The following ZNF385D variants were observed in gnomAD, a reference collection of about 807,000 sequenced individuals.
ZNF385D encodes zinc finger protein 385D.
A neutral mutation model predicts 35.8 loss-of-function variants in ZNF385D; 15 were observed. The ratio of observed to expected loss-of-function variants is 0.42; its 90% CI spans 0.28 to 0.64. The LOEUF (loss-of-function observed/expected upper bound fraction) is 0.64, where lower values mean the gene tolerates loss of function less well. Among genes scored for constraint, ZNF385D ranks in the 30% least tolerant of loss-of-function variants. The pLI, the probability that ZNF385D is intolerant of heterozygous loss-of-function variation, is 0.23. For missense variants in ZNF385D, 474 were observed against 494.6 expected (o/e 0.96, Z 0.39); for synonymous variants, 212 against 186.8 (o/e 1.13, Z -1.10).
intron 2 of ZNF385D, among the ~76,000 whole-genome samples, chr3:22,200,807 A>G (rs1269653100): frequency 6.6e-6 from 1 of 152,116 alleles, no homozygotes; most frequent in African/African-American, 2.4e-5. Flanking sequence ...TTGCTGAGAA[A>G]AAGAATTCAG....
At chr3:21,595,200 T>G (rs1339836893) in intron 2 of ZNF385D, among the ~76,000 whole-genome samples, 1 of 152,118 alleles carries the variant, frequency 6.6e-6, no homozygotes, top group Non-Finnish European at 1.5e-5. Context: ...AGAATAAGTT[T>G]GGTTCTTTGT....
chr3:21,524,858 CTT>C (rs1349832303), intron 3 of ZNF385D, among the ~76,000 whole-genome samples: 3 of 152,168 alleles, frequency 2.0e-5, no homozygotes, highest in African/African-American at 7.2e-5. Flanking sequence ...AGAGCTGTGT[CTT>C]AATGAATGTT....
chr3:21,771,496 A>G (rs2071076914), intron 3 of ZNF385D, among the ~76,000 whole-genome samples: 2 of 152,018 alleles, frequency 1.3e-5, no homozygotes, highest in Admixed American at 6.6e-5. Context: ...GGAAAAAATA[A>G]GTCAACAGAA....
intron 3 of ZNF385D, among the ~76,000 whole-genome samples, chr3:21,863,839 C>T (rs969049227): frequency 6.6e-6 from 1 of 152,076 alleles, no homozygotes; most frequent in African/African-American, 2.4e-5. Flanking sequence ...GGGAAGTGGC[C>T]AATGCCAACC....
intron 2 of ZNF385D, among the ~76,000 whole-genome samples, chr3:21,655,918 A>G (rs2066057299): frequency 6.6e-6 from 1 of 152,002 alleles, no homozygotes; most frequent in African/African-American, 2.4e-5. Context: ...TTTTAAAAAT[A>G]ATGGGTATAA....
chr3:22,339,363 C>T (rs756930222), intron 2 of ZNF385D, among the ~76,000 whole-genome samples: 5 of 152,102 alleles, frequency 3.3e-5, no homozygotes, highest in Non-Finnish European at 7.4e-5. Flanking sequence ...CAAGGAAGGC[C>T]TGGTATTTTC....
intron 3 of ZNF385D, among the ~76,000 whole-genome samples, chr3:21,801,176 A>G (rs1575673196): frequency 1.3e-5 from 2 of 152,108 alleles, no homozygotes; most frequent in East Asian, 1.9e-4. Context: ...AATAAATCCT[A>G]CTTGGTCCTG....
chr3:21,747,039 C>CTTT (rs201989992), intron 1 of ZNF385D, among the ~76,000 whole-genome samples: 2 of 136,262 alleles, frequency 1.5e-5, no homozygotes, highest in African/African-American at 5.6e-5. Context: ...ACTAGATTTT[C>CTTT]TTTTTTTTTT....
At chr3:21,825,357 G>C (rs1387751521) in intron 3 of ZNF385D, among the ~76,000 whole-genome samples, 1 of 152,006 alleles carries the variant, frequency 6.6e-6, no homozygotes, top group South Asian at 2.1e-4. Context: ...ACGGTATTTT[G>C]TATTCCTCTC....
intron 2 of ZNF385D, among the ~76,000 whole-genome samples, chr3:22,235,488 C>T (rs1028580418): frequency 6.6e-6 from 1 of 151,910 alleles, no homozygotes; most frequent in Non-Finnish European, 1.5e-5. Context: ...TTCAGTGTGT[C>T]CAAAATACCC....
intron 2 of ZNF385D, among the ~76,000 whole-genome samples, chr3:22,220,312 ACTT>A (rs1459192594): frequency 6.6e-6 from 1 of 151,908 alleles, no homozygotes; most frequent in Non-Finnish European, 1.5e-5. Flanking sequence ...AGATTTTACA[ACTT>A]CTGCTTCTGA....
chr3:21,697,654 A>G (rs1331544898), intron 1 of ZNF385D, among the ~76,000 whole-genome samples: 1 of 152,178 alleles, frequency 6.6e-6, no homozygotes, highest in Non-Finnish European at 1.5e-5. Context: ...GAAATAATCA[A>G]CAGAGTAAGC....
chr3:22,185,587 C>T (rs1695575494), intron 2 of ZNF385D, among the ~76,000 whole-genome samples: 1 of 152,232 alleles, frequency 6.6e-6, no homozygotes, highest in African/African-American at 2.4e-5. Flanking sequence ...CCTACCTCAG[C>T]CCCCTGAGTA....
intron 2 of ZNF385D, among the ~76,000 whole-genome samples, chr3:21,572,304 A>G (rs1247619974): frequency 6.6e-6 from 1 of 152,188 alleles, no homozygotes; most frequent in Non-Finnish European, 1.5e-5. Context: ...AATTTTATAC[A>G]GTTGTAAGCA....
rs1306398136 is a variant in ZNF385D, at chr3:21,905,997, C to CA, written c.326-240970dup. 1.1e-4 allele frequency among the ~76,000 whole-genome samples: 17 copies of CA among 152,238 alleles called. No individual in the cohort carries two copies. The East Asian group carries it at 3.1e-3, about 28-fold the overall frequency. ...AGAAAACCTACAAATAAATACCTAA[C>CA]AAGTGGGTTCAAGTCCCATAAAAAG... On this transcript the variant is annotated intron_variant, in intron 3 of 5. Coordinates refer to the ZNF385D transcript ENST00000494108.
intron 1 of ZNF385D, among the ~76,000 whole-genome samples, chr3:21,736,315 A>C (rs927411402): frequency 4.6e-5 from 7 of 152,218 alleles, no homozygotes; most frequent in Admixed American, 1.3e-4. Flanking sequence ...AAGACATGCT[A>C]TAGATACTCC....
intron 3 of ZNF385D, among the ~76,000 whole-genome samples, chr3:22,089,706 C>T (rs570647243): frequency 6.6e-6 from 1 of 152,274 alleles, no homozygotes; most frequent in African/African-American, 2.4e-5. Flanking sequence ...GAACATTATT[C>T]TTTGAGCATG....
At chr3:22,011,708 T>C (rs1472349806) in intron 3 of ZNF385D, among the ~76,000 whole-genome samples, 1 of 152,122 alleles carries the variant, frequency 6.6e-6, no homozygotes, top group Non-Finnish European at 1.5e-5. Flanking sequence ...TCATTTAATA[T>C]TTACAATACT....
chr3:22,335,190 G>A (rs1695109415), intron 2 of ZNF385D, among the ~76,000 whole-genome samples: 1 of 152,128 alleles, frequency 6.6e-6, no homozygotes, highest in South Asian at 2.1e-4. Context: ...AAGTTCGGCT[G>A]GCACTCACAG....
Sources: allele counts gnomAD v4.1 joint callset (sites outside exome capture counted in the v4.1 genomes callset), GRCh38; gene constraint gnomAD v4.1.1; transcripts MANE v1.5; gene names NCBI Gene and HGNC (gene_info 2026-07-23, HGNC 2026-07-21).